CLIC6: variants seen among roughly 807,000 people sequenced by gnomAD.
The protein encoded by CLIC6 is CLIC family member 6.
A neutral mutation model predicts 49.2 loss-of-function variants in CLIC6; 39 were observed. The ratio of observed to expected loss-of-function variants is 0.79; its 90% CI spans 0.61 to 1.04. The LOEUF (loss-of-function observed/expected upper bound fraction) is 1.04. Among genes scored for constraint, CLIC6 ranks in the 50% least tolerant of loss-of-function variants. The pLI, the probability that CLIC6 is intolerant of heterozygous loss-of-function variation, is 0.00. For missense variants in CLIC6, 988 were observed against 993.1 expected, an observed-to-expected ratio of 0.99 and a Z score of 0.07; for synonymous variants, 446 against 433.4, an observed-to-expected ratio of 1.03 and a Z score of -0.36.
intron 1 of CLIC6, among the ~76,000 whole-genome samples, chr21:34,701,776 T>G (rs983647921): frequency 6.6e-6 from 1 of 152,208 alleles, no homozygotes; most frequent in Non-Finnish European, 1.5e-5. Context: ...ACTCATAATT[T>G]TTTTTTAATT....
At chr21:34,692,724 T>C (rs897628663) in intron 1 of CLIC6, among the ~76,000 whole-genome samples, 3 of 152,202 alleles carry the variant, frequency 2.0e-5, no homozygotes, top group Non-Finnish European at 4.4e-5. Context: ...TGTTAATAGA[T>C]TGCTCTAGGC....
In CLIC6 at chr21:34,689,989, C is replaced by T. The variant is rs137906526; in HGVS notation, c.1375-17291C>T. 2.6e-5 allele frequency among the ~76,000 whole-genome samples: 4 copies of T among 152,316 alleles called. No individual in the cohort carries two copies. In the East Asian group the frequency reaches 7.7e-4, roughly 29 times the overall value. On this transcript the variant is annotated intron_variant, in intron 1 of 5. Coordinates refer to ENST00000349499, the MANE Select transcript of CLIC6 (RefSeq NM_053277.3). ...TGACTCTAGCTCTCTAGTCTTGAGG[C>T]TAGACAAGTTTCTTCTCCTTTATTC...
chr21:34,702,073 G>A (rs896751308), intron 1 of CLIC6, among the ~76,000 whole-genome samples: 4 of 152,126 alleles, frequency 2.6e-5, no homozygotes, highest in African/African-American at 4.8e-5. Context: ...CACTTTCTAC[G>A]GGGGACCCGG....
At chr21:34,674,952 G>A (rs1000068307) in intron 1 of CLIC6, among the ~76,000 whole-genome samples, 2 of 152,118 alleles carry the variant, frequency 1.3e-5, no homozygotes, top group East Asian at 1.9e-4. Context: ...CTAATCTGGC[G>A]TGTAAGCTTT....
At position 34,670,529 on chromosome 21, in the gene CLIC6, C is replaced by T; in HGVS notation, c.1141C>T (p.Pro381Ser). The T allele has an allele frequency of 2.0e-6, 3 of 1,500,296 alleles. No individual in the cohort carries two copies. The South Asian group carries it at 3.9e-5, about 20-fold the overall frequency. 92.9% of individuals were successfully genotyped at this position (1,500,296 alleles called of 1,614,324 possible). Reference sequence around the variant, plus strand: ...GAGACGAGAGCGGAGCCCGGAGGGGCCAAGGGAGGAGGAAGCAGCGGGGGG... The same window carrying T: ...GAGACGAGAGCGGAGCCCGGAGGGGTCAAGGGAGGAGGAAGCAGCGGGGGG... ...EERRERSPEG[P>S]REEEAAGGEE... Residue 381 changes from proline (P) to serine (S), a missense_variant, in exon 1 of 6, where the codon CCA becomes TCA. This residue lies in a region of CLIC6 where 647 missense variants were observed against 596.9 expected (regional missense o/e 1.08). Transcript: ENST00000349499.
intron 1 of CLIC6, among the ~76,000 whole-genome samples, chr21:34,696,739 A>AT (rs1428982010): frequency 3.3e-5 from 5 of 152,180 alleles, no homozygotes; most frequent in Non-Finnish European, 7.4e-5. Flanking sequence ...TACCATTATT[A>AT]TTTTGCAACA....
In CLIC6 at chr21:34,717,907, C is replaced by T. The variant is rs532127490; in HGVS notation, c.*1425C>T. The T allele has an allele frequency of 6.6e-6, 1 of 152,276 alleles. No homozygotes were observed. The highest frequency in any genetic ancestry group is 6.5e-5 in the Admixed American group (1 of 15,292). 9.4% of individuals were successfully genotyped at this position (152,276 alleles called of 1,614,324 possible). A position where few individuals can be genotyped will look rare whatever the true frequency, so the allele number is the denominator to read the frequency against. On this transcript the variant is annotated 3_prime_UTR_variant, in exon 6 of 6. Coordinates refer to ENST00000349499, the MANE Select transcript of CLIC6 (RefSeq NM_053277.3). ...GGTGAAAAATGTCTAGCAAAAGAAA[C>T]AAAGTCTTTAATAGAGTGGCCTCTT...
chr21:34,669,793 C>A lies in CLIC6; in HGVS notation c.405C>A (p.Pro135=), dbSNP rs1167119099. The A allele has an allele frequency of 1.4e-6, 2 of 1,423,256 alleles. No individual in the cohort carries two copies. Among genetic ancestry groups the A allele is most frequent in the Non-Finnish European group, 1.8e-6 (2 of 1,099,368 alleles). 88.2% of individuals were successfully genotyped at this position (1,423,256 alleles called of 1,614,324 possible). A position where few individuals can be genotyped will look rare whatever the true frequency, so the allele number is the denominator to read the frequency against. Reference sequence around the variant, plus strand: ...GGGAGCCCGAGGACTCTGCGGCCCCCGAGAGGCAGGAGGAGGCGGAGCAGA... The same window carrying A: ...GGGAGCCCGAGGACTCTGCGGCCCCAGAGAGGCAGGAGGAGGCGGAGCAGA... ...AQREPEDSAA[P]ERQEEAEQRP... Residue 135 remains proline (P), a synonymous_variant, in exon 1 of 6, where the codon CCC becomes CCA. Coordinates refer to ENST00000349499, the MANE Select transcript of CLIC6 (RefSeq NM_053277.3).
At chr21:34,683,723 G>A (rs1989823052) in intron 1 of CLIC6, among the ~76,000 whole-genome samples, 1 of 152,142 alleles carries the variant, frequency 6.6e-6, no homozygotes, top group South Asian at 2.1e-4. Flanking sequence ...TCCCCACCCT[G>A]CTGCCATGTA....
At chr21:34,701,791 GA>G (rs1294909642) in intron 1 of CLIC6, among the ~76,000 whole-genome samples, 1 of 152,142 alleles carries the variant, frequency 6.6e-6, no homozygotes, top group Non-Finnish European at 1.5e-5. Context: ...TTAATTTACA[GA>G]ACTATTCAAA....
intron 3 of CLIC6, 29 bp from the exon 4 acceptor site, chr21:34,708,671 T>A (rs2056033550): frequency 6.9e-7 from 1 of 1,455,326 alleles, no homozygotes; most frequent in African/African-American, 1.4e-5. Context: ...ATCACTTGTC[T>A]GTGATCCTCC....
chr21:34,670,451 G>A lies in CLIC6; in HGVS notation c.1063G>A (p.Gly355Ser), dbSNP rs1306233920. The A allele has an allele frequency of 1.4e-6, 2 of 1,473,288 alleles. No homozygotes were observed. Among genetic ancestry groups the A allele is most frequent in the South Asian group, 2.8e-5 (2 of 72,204 alleles). The allele number at this position is 1,473,288 out of a possible 1,614,324, so 91.3% of individuals were successfully genotyped here. A position where few individuals can be genotyped will look rare whatever the true frequency, so the allele number is the denominator to read the frequency against. Reference protein sequence around the residue: ...AAPGDARADAGEDRVGDGPQQ... With the variant: ...AAPGDARADASEDRVGDGPQQ... ...CCCCGGGGACGCAAGGGCAGACGCTGGCGAGGACAGGGTAGGGGATGGGCC... is the reference window on the plus strand; with the variant it reads ...CCCCGGGGACGCAAGGGCAGACGCTAGCGAGGACAGGGTAGGGGATGGGCC... The change falls in exon 1 of 6, where the codon GGC (glycine) becomes AGC (serine). Residue 355 changes from glycine (G) to serine (S), a missense_variant. Transcript: ENST00000349499.
At chr21:34,678,647 T>C (rs540168676) in intron 1 of CLIC6, among the ~76,000 whole-genome samples, 14 of 152,258 alleles carry the variant, frequency 9.2e-5, no homozygotes, top group African/African-American at 2.9e-4. Flanking sequence ...TGGTTGTTTT[T>C]TGCCTACAAA....
chr21:34,704,369 C>T (rs1211019693), intron 1 of CLIC6, among the ~76,000 whole-genome samples: 3 of 152,178 alleles, frequency 2.0e-5, no homozygotes, highest in Admixed American at 6.5e-5. Context: ...GTTCCCGTAA[C>T]CCCCTCATTT....
rs1288025071 is a variant in CLIC6, at chr21:34,682,874, C to T, written c.1374+12112C>T. On this transcript the variant is annotated intron_variant, in intron 1 of 5. Coordinates refer to ENST00000349499, the MANE Select transcript of CLIC6 (RefSeq NM_053277.3). Reference sequence around the variant, plus strand: ...TCTCCCAGGTTGGAGTGCGGTGGCGCGATCTCGGCTCACTGCAAGCTCTGC... The same window carrying T: ...TCTCCCAGGTTGGAGTGCGGTGGCGTGATCTCGGCTCACTGCAAGCTCTGC... 4.8e-5 allele frequency among the ~76,000 whole-genome samples: 6 copies of T among 124,770 alleles called. No homozygotes were observed. In the East Asian group the frequency reaches 8.1e-4, roughly 17 times the overall value. The allele number at this position is 124,770 out of a possible 152,430, so 81.9% of individuals were successfully genotyped here.
intron 1 of CLIC6, among the ~76,000 whole-genome samples, chr21:34,699,651 G>C (rs974008885): frequency 6.6e-6 from 1 of 152,096 alleles, no homozygotes; most frequent in Non-Finnish European, 1.5e-5. Flanking sequence ...GAATGGGCTA[G>C]TTTGTTCCTC....
intron 1 of CLIC6, among the ~76,000 whole-genome samples, chr21:34,705,378 A>G (rs1022222444): frequency 6.6e-6 from 1 of 152,186 alleles, no homozygotes; most frequent in Non-Finnish European, 1.5e-5. Flanking sequence ...CGAAATGGCC[A>G]TAGGGTGGTG....
At position 34,681,513 on chromosome 21, in the gene CLIC6, T is replaced by C. The variant is rs115005022; in HGVS notation, c.1374+10751T>C. Among the ~76,000 whole-genome samples, 111 of 152,246 alleles carry C rather than the reference T, an allele frequency of 7.3e-4. 1 individual carries two copies. Among genetic ancestry groups the C allele is most frequent in the African/African-American group, 2.6e-3 (108 of 41,558 alleles). ...TAGGGCTGTGGTTTCATCAGAAGGA[T>C]TGATTGGGGCTAGGGCCATGGTCTC... On this transcript the variant is annotated intron_variant, in intron 1 of 5. Coordinates refer to ENST00000349499, the MANE Select transcript of CLIC6 (RefSeq NM_053277.3).
intron 1 of CLIC6, among the ~76,000 whole-genome samples, chr21:34,671,874 G>A (rs1201859674): frequency 6.6e-6 from 1 of 152,170 alleles, no homozygotes; most frequent in Non-Finnish European, 1.5e-5. Context: ...GTGTGTGTGT[G>A]TTTCTTCCCT....
Sources: allele counts gnomAD v4.1 joint callset (sites outside exome capture counted in the v4.1 genomes callset), GRCh38; gene constraint gnomAD v4.1.1; regional missense constraint gnomAD v4.1.1; transcripts MANE v1.5; gene names NCBI Gene and HGNC (gene_info 2026-07-23, HGNC 2026-07-21).